The following RGS5 variants were observed in gnomAD, a reference collection of about 807,000 sequenced individuals.
RGS5 encodes regulator of G protein signaling 5.
A neutral mutation model predicts 18.9 loss-of-function variants in RGS5; 20 were observed. The ratio of observed to expected loss-of-function variants is 1.06; its 90% CI spans 0.74 to 1.54. RGS5 has a LOEUF of 1.54. RGS5 is among the 40% of genes most tolerant of loss of function. The probability of loss-of-function intolerance (pLI) is 0.00; values close to 1 mark genes in which losing one functional copy is unlikely to be tolerated. For synonymous variants in RGS5, 57 were observed against 76.2 expected (o/e 0.75, Z 1.31); for missense variants, 201 against 211.8 (o/e 0.95, Z 0.32).
chr1:163,212,150 G>T (rs1054273887), intron 1 of RGS5: 1 of 152,178 alleles, frequency 6.6e-6, no homozygotes, highest in Non-Finnish European at 1.5e-5. Flanking sequence ...ATGTCTGAAT[G>T]AGTGATTTGA....
intron 2 of RGS5, among the ~76,000 whole-genome samples, chr1:163,285,297 G>A (rs1185798795): frequency 6.6e-6 from 1 of 152,164 alleles, no homozygotes; most frequent in East Asian, 1.9e-4. Flanking sequence ...GCTCATGCCT[G>A]TAATCCCAGC....
At chr1:163,204,901 G>T (rs758932479), upstream of RGS5, among the ~76,000 whole-genome samples, 1 of 152,140 alleles carries the variant, frequency 6.6e-6, no homozygotes. Context: ...GCAATGGAGG[G>T]TGATGTCTTG....
At chr1:163,192,492 CT>C (rs71796304) in intron 1 of RGS5, among the ~76,000 whole-genome samples, 22,912 of 152,060 alleles carry the variant, frequency 0.15, 1,769 homozygotes, top group South Asian at 0.26. Flanking sequence ...ACCTATTCGC[CT>C]TAAAGTGGAA....
At chr1:163,168,673 G>A (rs76169215) in intron 1 of RGS5, among the ~76,000 whole-genome samples, 84 of 152,098 alleles carry the variant, frequency 5.5e-4, no homozygotes, top group African/African-American at 1.9e-3. Context: ...TTGCAGATGA[G>A]GTCACGGAAT....
At chr1:163,237,547 C>T (rs866801695) in intron 2 of RGS5, among the ~76,000 whole-genome samples, 5 of 151,818 alleles carry the variant, frequency 3.3e-5, no homozygotes, top group African/African-American at 9.7e-5. Context: ...TAACCAGGCA[C>T]GGTGGCGTGC....
chr1:163,278,857 ACATGT>A (rs1431181213), intron 2 of RGS5, among the ~76,000 whole-genome samples: 3 of 152,156 alleles, frequency 2.0e-5, no homozygotes, highest in Non-Finnish European at 4.4e-5. Context: ...ATAGAAAAAA[ACATGT>A]CATGCAAATG....
intron 1 of RGS5, among the ~76,000 whole-genome samples, chr1:163,184,411 A>T (rs1424650389): frequency 6.6e-6 from 1 of 152,120 alleles, no homozygotes; most frequent in East Asian, 1.9e-4. Flanking sequence ...AAAAAAAAAA[A>T]AAAAAGGGAA....
intron 2 of RGS5, among the ~76,000 whole-genome samples, chr1:163,227,785 G>C (rs549278454): frequency 1.3e-5 from 2 of 152,324 alleles, no homozygotes; most frequent in African/African-American, 4.8e-5. Flanking sequence ...TGGGGGTACA[G>C]GCATTGGGTA....
In RGS5 at chr1:163,143,829, G is replaced by A. The variant is rs1657017535; in HGVS notation, c.*3513C>T. On this transcript the variant is annotated 3_prime_UTR_variant, in exon 5 of 5. Coordinates refer to ENST00000313961, the MANE Select transcript of RGS5 (RefSeq NM_003617.4). ...AGGCAGTTTGGCAAAAACCTAGAAG[G>A]GAATGCTTATTAGTTTATTAATTTA... 6.6e-6 allele frequency: 1 copy of A among 151,996 alleles called. No individual in the cohort carries two copies. Among genetic ancestry groups the A allele is most frequent in the African/African-American group, 2.4e-5 (1 of 41,402 alleles). 9.4% of individuals were successfully genotyped at this position (151,996 alleles called of 1,614,324 possible). A position where few individuals can be genotyped will look rare whatever the true frequency, so the allele number is the denominator to read the frequency against.
intron 1 of RGS5, among the ~76,000 whole-genome samples, chr1:163,313,686 C>T (rs1484711622): frequency 6.6e-6 from 1 of 152,168 alleles, no homozygotes; most frequent in Non-Finnish European, 1.5e-5. Context: ...AACTGAGGAA[C>T]CCTTCATAGG....
chr1:163,174,144 C>T lies in RGS5; in HGVS notation c.45-5776G>A, dbSNP rs116788044. ...CAAGGAGCCCTAACTTCCCAATGTG[C>T]AATGGGAGATATTATATACCTAAAA... On this transcript the variant is annotated intron_variant, in intron 1 of 4. Coordinates refer to ENST00000313961, the MANE Select transcript of RGS5 (RefSeq NM_003617.4). Among the ~76,000 whole-genome samples, 883 of 152,202 alleles carry T rather than the reference C, an allele frequency of 5.8e-3. 9 individuals carry two copies. The highest frequency in any genetic ancestry group is 0.019 in the African/African-American group (790 of 41,528).
At chr1:163,248,900 G>A (rs1270459154) in intron 2 of RGS5, among the ~76,000 whole-genome samples, 1 of 152,154 alleles carries the variant, frequency 6.6e-6, no homozygotes, top group African/African-American at 2.4e-5. Flanking sequence ...TCACCCAAAT[G>A]TCGAGGAGGA....
chr1:163,180,687 T>TTTTTTTTTTG lies in RGS5; in HGVS notation c.45-12320_45-12319insCAAAAAAAAA, dbSNP rs1491522130. On this transcript the variant is annotated intron_variant, in intron 1 of 4. Coordinates refer to ENST00000313961, the MANE Select transcript of RGS5 (RefSeq NM_003617.4). ...CCTTTGTAATAAAGCCCTTACCCTG[T>TTTTTTTTTTG]TTTTTTTTTTTTTTTTTTTTTTTTT... is the stretch of plus-strand genomic sequence containing the variant. Among the ~76,000 whole-genome samples, 94 of 67,308 alleles carry TTTTTTTTTTG rather than the reference T, an allele frequency of 1.4e-3. 5 individuals carry two copies. Among genetic ancestry groups the TTTTTTTTTTG allele is most frequent in the South Asian group, 7.7e-3 (13 of 1,678 alleles). 44.2% of individuals were successfully genotyped at this position (67,308 alleles called of 152,430 possible). A position where few individuals can be genotyped will look rare whatever the true frequency, so the allele number is the denominator to read the frequency against.
At chr1:163,318,048 T>C (rs1043985519) in intron 1 of RGS5, among the ~76,000 whole-genome samples, 1 of 152,078 alleles carries the variant, frequency 6.6e-6, no homozygotes, top group Non-Finnish European at 1.5e-5. Flanking sequence ...TAACTCAGAC[T>C]ATGGAACAAG....
intron 2 of RGS5, among the ~76,000 whole-genome samples, chr1:163,276,264 G>A (rs549584416): frequency 6.6e-6 from 1 of 152,138 alleles, no homozygotes; most frequent in African/African-American, 2.4e-5. Context: ...AAAGTGCTGG[G>A]ATTACAGGCA....
chr1:163,215,036 C>T (rs938020113), intron 1 of RGS5, among the ~76,000 whole-genome samples: 2 of 152,160 alleles, frequency 1.3e-5, no homozygotes, highest in African/African-American at 4.8e-5. Context: ...TACAAACACA[C>T]ACACATATAT....
intron 2 of RGS5, among the ~76,000 whole-genome samples, chr1:163,241,145 C>T (rs1269799113): frequency 6.6e-6 from 1 of 152,218 alleles, no homozygotes; most frequent in Non-Finnish European, 1.5e-5. Context: ...ATTTACCCTA[C>T]TTTACTTTTC....
chr1:163,166,007 G>C (rs1412123545), intron 2 of RGS5, among the ~76,000 whole-genome samples: 1 of 152,136 alleles, frequency 6.6e-6, no homozygotes, highest in African/African-American at 2.4e-5. Flanking sequence ...GGGTGAGGTA[G>C]TAAGGTTGAA....
At chr1:163,293,808 TTC>T (rs1649354186) in intron 2 of RGS5, among the ~76,000 whole-genome samples, 2 of 152,184 alleles carry the variant, frequency 1.3e-5, no homozygotes, top group Admixed American at 1.3e-4. Context: ...GGGTAAATGT[TTC>T]TGTTCCAAAT....
Sources: gnomAD v4.1 joint callset for allele counts (sites outside exome capture counted in the v4.1 genomes callset) on GRCh38, gnomAD v4.1.1 for gene constraint, MANE v1.5 for transcripts, NCBI Gene and HGNC (gene_info 2026-07-23, HGNC 2026-07-21) for gene names.